Variants in DNAI4 observed in about 807,000 individuals in gnomAD.
DNAI4 encodes WD repeat domain 78.
In DNAI4, 85 loss-of-function variants were observed where a neutral mutation model predicts 105.8. The observed-to-expected ratio is 0.80, with a 90% CI of 0.67 to 0.96. The LOEUF is 0.96. Ranked by LOEUF, DNAI4 falls within the 40% of genes least tolerant of loss-of-function variation. The pLI is 0.00. For synonymous variants in DNAI4, 352 were observed against 331.5 expected, an observed-to-expected ratio of 1.06 and a Z score of -0.67; for missense variants, 1,014 against 1,005.6, an observed-to-expected ratio of 1.01 and a Z score of -0.11.
chr1:66,821,460 C>T (rs1317851934), intron 16 of DNAI4, among the ~76,000 whole-genome samples: 3 of 152,066 alleles, frequency 2.0e-5, no homozygotes, highest in African/African-American at 2.4e-5. Flanking sequence ...AAAGTTATAC[C>T]GATTTCTATT....
chr1:66,815,093 T>C (rs931496313), intron 16 of DNAI4, among the ~76,000 whole-genome samples: 4 of 152,188 alleles, frequency 2.6e-5, no homozygotes, highest in Non-Finnish European at 5.9e-5. Flanking sequence ...TCAGTTCCTA[T>C]TTTTTAGCCT....
In DNAI4 at chr1:66,847,565, A is replaced by G. The variant is rs1646304284; in HGVS notation, c.1210T>C (p.Leu404=). The G allele has an allele frequency of 6.2e-7, 1 of 1,614,048 alleles. No individual in the cohort carries two copies. The highest frequency in any genetic ancestry group is 2.2e-5 in the East Asian group (1 of 44,854). ...ILKSDKFHQD[L]FFMERVLMEN... is the part of the protein sequence containing the mutation. Reference sequence around the variant, plus strand: ...ATCAGAACCCGTTCCATAAAAAATAAGTCCTGATGAAATTTGTCAGATTTT... The same window carrying G: ...ATCAGAACCCGTTCCATAAAAAATAGGTCCTGATGAAATTTGTCAGATTTT... Residue 404 remains leucine, a synonymous_variant, in exon 8 of 17, where the codon TTA becomes CTA. Transcript: ENST00000371026.
intron 5 of DNAI4, among the ~76,000 whole-genome samples, chr1:66,872,861 C>T (rs991069634): frequency 2.0e-5 from 3 of 151,320 alleles, no homozygotes; most frequent in Non-Finnish European, 4.4e-5. Context: ...TACAGGTGCC[C>T]ACCACCATGC....
chr1:66,873,131 C>A (rs762245152), intron 5 of DNAI4, among the ~76,000 whole-genome samples: 15 of 151,980 alleles, frequency 9.9e-5, no homozygotes, highest in African/African-American at 1.9e-4. Context: ...AGGATCTATA[C>A]CAAATTCAAC....
At chr1:66,904,397 T>A (rs1331225041) in intron 2 of DNAI4, among the ~76,000 whole-genome samples, 2 of 152,168 alleles carry the variant, frequency 1.3e-5, no homozygotes, top group Non-Finnish European at 2.9e-5. Context: ...ATTTTAGCCA[T>A]TCTAATAGGT....
rs138435603 is a variant in DNAI4, at chr1:66,865,195, G to C, written c.941-2893C>G. On this transcript the variant is annotated intron_variant, in intron 6 of 16. Coordinates refer to ENST00000371026, the MANE Select transcript of DNAI4 (RefSeq NM_024763.5). ...CCCAGCACTTTGGGAGAATGAGGCA[G>C]GCAGATCACTTGAGGTCAGGAGTTT... Among the ~76,000 whole-genome samples, 971 of 152,270 alleles carry C rather than the reference G, an allele frequency of 6.4e-3. 3 individuals are homozygous for C. Among genetic ancestry groups the C allele is most frequent in the African/African-American group, 0.022 (913 of 41,550 alleles).
At chr1:66,904,437 A>G (rs536988441) in intron 2 of DNAI4, among the ~76,000 whole-genome samples, 1 of 152,266 alleles carries the variant, frequency 6.6e-6, no homozygotes, top group Non-Finnish European at 1.5e-5. Context: ...TTTTTAATTA[A>G]TACTGATCAT....
intron 14 of DNAI4, among the ~76,000 whole-genome samples, chr1:66,827,403 CT>C (rs1645777736): frequency 6.6e-6 from 1 of 151,948 alleles, no homozygotes; most frequent in African/African-American, 2.4e-5. Flanking sequence ...GTAGTCCCAG[CT>C]GCTTTAGAGG....
At chr1:66,840,044 T>G (rs902556950) in intron 9 of DNAI4, among the ~76,000 whole-genome samples, 2 of 152,198 alleles carry the variant, frequency 1.3e-5, no homozygotes, top group Admixed American at 1.3e-4. Context: ...AAAATTATTT[T>G]GCACACTTGT....
intron 2 of DNAI4, among the ~76,000 whole-genome samples, chr1:66,893,950 C>T (rs1023009828): frequency 1.3e-5 from 2 of 152,066 alleles, no homozygotes; most frequent in African/African-American, 4.8e-5. Context: ...ACATTACTCA[C>T]GAATTTGTGG....
intron 13 of DNAI4, among the ~76,000 whole-genome samples, chr1:66,831,611 A>G (rs941724326): frequency 2.0e-5 from 3 of 152,170 alleles, no homozygotes; most frequent in African/African-American, 4.8e-5. Flanking sequence ...TAGGAATGTA[A>G]TGGAACTCCC....
chr1:66,820,695 TA>T (rs1490304486), intron 16 of DNAI4, among the ~76,000 whole-genome samples: 1 of 152,164 alleles, frequency 6.6e-6, no homozygotes, highest in African/African-American at 2.4e-5. Context: ...CAATTTTAAA[TA>T]AGATGATCAG....
In DNAI4 at chr1:66,822,363, G is replaced by T. The variant is rs552217314; in HGVS notation, c.2494C>A (p.Arg832=). Residue 832 remains arginine, a splice_region_variant and synonymous_variant, in exon 16 of 17, where the codon CGG becomes AGG. Coordinates refer to ENST00000371026, the MANE Select transcript of DNAI4 (RefSeq NM_024763.5). ...RNMPTVLETG[R]GDIMDTLLGS... is the part of the protein sequence containing the mutation. ...ATTTTTTTACTCTTGAGTCTTACCC[G>T]GCCAGTTTCCAAAACAGTAGGCATA... 2 of 1,598,650 alleles carry T rather than the reference G, an allele frequency of 1.3e-6. No individual in the cohort carries two copies. The highest frequency in any genetic ancestry group is 1.3e-5 in the African/African-American group (1 of 74,244).
At chr1:66,879,429 C>G (rs775952371) in intron 4 of DNAI4, among the ~76,000 whole-genome samples, 16 of 152,286 alleles carry the variant, frequency 1.1e-4, no homozygotes, top group Middle Eastern at 3.4e-3. Context: ...TATCTGTTCA[C>G]CACTTAAAAG....
chr1:66,848,357 G>A, intron 7 of DNAI4: 1 of 423,944 alleles, frequency 2.4e-6, no homozygotes. Flanking sequence ...GATTAGACTG[G>A]GCCCAATAAG....
At chr1:66,853,713 A>T (rs921985160) in intron 7 of DNAI4, among the ~76,000 whole-genome samples, 1 of 152,184 alleles carries the variant, frequency 6.6e-6, no homozygotes, top group Non-Finnish European at 1.5e-5. Flanking sequence ...TAAGACAAGG[A>T]TGTCCCTCAA....
At chr1:66,872,266 T>A (rs1259587694) in intron 5 of DNAI4, among the ~76,000 whole-genome samples, 5 of 152,050 alleles carry the variant, frequency 3.3e-5, no homozygotes, top group Non-Finnish European at 7.4e-5. Flanking sequence ...TCTTGCTCTG[T>A]CACCCAGGCT....
intron 13 of DNAI4, among the ~76,000 whole-genome samples, chr1:66,830,130 C>T (rs566706520): frequency 4.6e-5 from 7 of 151,798 alleles, no homozygotes; most frequent in East Asian, 1.9e-4. Flanking sequence ...AATCAATGAC[C>T]TCCACTTTCA....
Position 66,924,671 on chromosome 1 carries a change from T to C in DNAI4, c.161A>G (p.Asn54Ser). 6.2e-7 allele frequency: 1 copy of C among 1,614,194 alleles called. No individual in the cohort carries two copies. Residue 54 changes from asparagine to serine, a missense_variant, in exon 1 of 17, where the codon AAC (asparagine) becomes AGC (serine). Transcript: ENST00000371026. ...TAGCGCCGGAACTTACAACCCGAAG[T>C]TCTGCTGCTTGTGACTGCCTGCCGG... ...VSPAGSHKQQ[N>S]FGLNNATQPK...
Sources: gnomAD v4.1 joint callset for allele counts (sites outside exome capture counted in the v4.1 genomes callset) on GRCh38, gnomAD v4.1.1 for gene constraint, MANE v1.5 for transcripts, NCBI Gene and HGNC (gene_info 2026-07-23, HGNC 2026-07-21) for gene names.